RNF150: variants seen among roughly 807,000 people sequenced by gnomAD.
RNF150 encodes the protein ring finger protein 150.
In RNF150, 24 loss-of-function variants were observed where a neutral mutation model predicts 39.3. The ratio of observed to expected loss-of-function variants is 0.61; its 90% CI spans 0.44 to 0.86. RNF150 has a LOEUF of 0.86. Among genes scored for constraint, RNF150 ranks in the 40% least tolerant of loss-of-function variants. The pLI is 0.00. For missense variants in RNF150, 502 were observed against 587.8 expected (o/e 0.85, Z 1.51); for synonymous variants, 255 against 227.3 (o/e 1.12, Z -1.10).
chr4:141,127,566 C>G (rs1726786346), intron 1 of RNF150, among the ~76,000 whole-genome samples: 1 of 152,292 alleles, frequency 6.6e-6, no homozygotes, highest in East Asian at 1.9e-4. Context: ...TGAGCACCCA[C>G]CTATGGAGGA....
chr4:140,999,942 A>AAAGAAG lies in RNF150; in HGVS notation c.485-32075_485-32070dup, dbSNP rs879391696. Among the ~76,000 whole-genome samples the AAAGAAG allele has an allele frequency of 4.6e-4, 16 of 34,568 alleles. 1 individual carries two copies. The highest frequency in any genetic ancestry group is 1.8e-3 in the South Asian group (1 of 556). The allele number at this position is 34,568 out of a possible 152,430, so 22.7% of individuals were successfully genotyped here. A position where few individuals can be genotyped will look rare whatever the true frequency, so the allele number is the denominator to read the frequency against. ...AACAGAGTGAGACTTGGTCTCAAAAAAAGAAGAAGAAGAAGAAGAAGAAGA... is the reference window on the plus strand; with the variant it reads ...AACAGAGTGAGACTTGGTCTCAAAAAAAGAAGAAGAAGAAGAAGAAGAAGAAGAAGA... On this transcript the variant is annotated intron_variant, in intron 1 of 6. Transcript: ENST00000515673.
chr4:141,154,381 TTCC>T (rs1727348604), intron 1 of RNF150, among the ~76,000 whole-genome samples: 1 of 152,236 alleles, frequency 6.6e-6, no homozygotes, highest in Admixed American at 6.5e-5. Context: ...CATTCTGTCC[TTCC>T]TTAGCGTGCC....
At position 140,865,797 on chromosome 4, in the gene RNF150, A is replaced by C. The variant is rs1728684311; in HGVS notation, c.*2464T>G. On this transcript the variant is annotated 3_prime_UTR_variant, in exon 7 of 7. Transcript: ENST00000515673. ...TCACCTAGTTCTTGGCAGGAAGAGA[A>C]AATACTCGTTAATCAGAGGACTAAA... The C allele has an allele frequency of 6.6e-6, 1 of 152,606 alleles. No homozygotes were observed. Among genetic ancestry groups the C allele is most frequent in the African/African-American group, 2.4e-5 (1 of 41,446 alleles). The allele number at this position is 152,606 out of a possible 1,614,324, so 9.5% of individuals were successfully genotyped here.
rs144770118 is a variant in RNF150 at position 140,947,716 on chromosome 4, G to A, written c.828C>T (p.Asp276=). 217 of 1,597,482 alleles carry A rather than the reference G, an allele frequency of 1.4e-4. No individual in the cohort carries two copies. Among genetic ancestry groups the A allele is most frequent in the Non-Finnish European group, 1.8e-4 (211 of 1,173,734 alleles). ...KGDKETESDF[D]NCAVCIEGYK... is the part of the protein sequence containing the mutation. ...ACCCTTCAATACAAACTGCACAGTT[G>A]TCAAAATCAGACTCTGTTTCCTGCA... The change falls in exon 4 of 7, where the codon GAC becomes GAT. Residue 276 remains aspartate, a synonymous_variant. Coordinates refer to ENST00000515673, the MANE Select transcript of RNF150 (RefSeq NM_020724.2).
rs761038881 is a variant in RNF150 at position 140,911,163 on chromosome 4, G to A, written c.1179C>T (p.Asp393=). The part of the protein sequence containing the change: ...QDTDPIPQEG[D]VIFTTNSEQE... The stretch of plus-strand genomic sequence containing the variant: ...ACTCACTGTTAGTAGTAAAGATGAC[G>A]TCTCCCTCCTGGGGGATGGGGTCTG... The change falls in exon 6 of 7, where the codon GAC becomes GAT. Residue 393 remains aspartate (D), a synonymous_variant. Transcript: ENST00000515673. The A allele has an allele frequency of 3.0e-5, 48 of 1,613,660 alleles. No individual in the cohort carries two copies. In the East Asian group the frequency reaches 7.1e-4, roughly 24 times the overall value.
At chr4:141,069,528 G>T (rs370822638) in intron 1 of RNF150, among the ~76,000 whole-genome samples, 3 of 142,232 alleles carry the variant, frequency 2.1e-5, no homozygotes, top group Admixed American at 7.1e-5. Context: ...TCTCTTTTTT[G>T]GTTGTGTCTC....
chr4:141,000,069 AAGAAGAAGAAGAAGAAGG>A (rs1560679484), intron 1 of RNF150, among the ~76,000 whole-genome samples: 944 of 85,762 alleles, frequency 0.011, 73 homozygotes, highest in Middle Eastern at 0.019. Flanking sequence ...GAAGAAGAAG[AAGAAGAAGAAGAAGAAGG>A]AGAAGAAGAA....
chr4:141,167,261 G>A (rs948360279), intron 1 of RNF150, among the ~76,000 whole-genome samples: 5 of 151,772 alleles, frequency 3.3e-5, no homozygotes. Flanking sequence ...CCTCTTCAAG[G>A]AAAACTACAA....
In RNF150 at chr4:140,912,233, T is replaced by C. The variant is rs117262361; in HGVS notation, c.988-879A>G. Among the ~76,000 whole-genome samples, 232 of 152,362 alleles carry C rather than the reference T, an allele frequency of 1.5e-3. 3 individuals carry two copies. In the East Asian group the frequency reaches 0.039, roughly 26 times the overall value. ...CTGGTTTGAAGTAAAAATGAATATA[T>C]TTCTATCTCTTCCACAAACAGCTTT... On this transcript the variant is annotated intron_variant, in intron 5 of 6. Transcript: ENST00000515673.
At chr4:141,167,810 T>G (rs539587263) in intron 1 of RNF150, among the ~76,000 whole-genome samples, 1 of 152,294 alleles carries the variant, frequency 6.6e-6, no homozygotes, top group African/African-American at 2.4e-5. Flanking sequence ...GATTAAAAAC[T>G]TCAATGTAAG....
intron 5 of RNF150, among the ~76,000 whole-genome samples, chr4:140,917,229 T>G (rs1461748157): frequency 2.0e-5 from 3 of 152,186 alleles, no homozygotes; most frequent in Non-Finnish European, 4.4e-5. Flanking sequence ...AATGCTCCAG[T>G]TGAAAGGCAC....
intron 1 of RNF150, among the ~76,000 whole-genome samples, chr4:141,026,185 G>A (rs1735689999): frequency 6.6e-6 from 1 of 152,024 alleles, no homozygotes; most frequent in Admixed American, 6.6e-5. Flanking sequence ...TGTAAACAAG[G>A]GGACAAAGTA....
intron 1 of RNF150, among the ~76,000 whole-genome samples, chr4:141,118,585 G>A (rs1726508451): frequency 6.6e-6 from 1 of 152,198 alleles, no homozygotes; most frequent in African/African-American, 2.4e-5. Context: ...CTACCTGCAT[G>A]ACAAAACATT....
At chr4:140,989,681 C>T (rs529251117) in intron 1 of RNF150, among the ~76,000 whole-genome samples, 3 of 151,806 alleles carry the variant, frequency 2.0e-5, no homozygotes, top group East Asian at 1.9e-4. Context: ...GGCATTTATC[C>T]GGTAGTATTA....
chr4:141,051,217 T>C (rs1047489033), intron 1 of RNF150, among the ~76,000 whole-genome samples: 1 of 152,000 alleles, frequency 6.6e-6, no homozygotes, highest in Non-Finnish European at 1.5e-5. Flanking sequence ...GCATGGCCCA[T>C]GAAAACATTT....
rs1737550073 is a variant in RNF150, at chr4:141,068,444, C to A, written c.484+63881G>T. ...TCTCTGTTTTGGTACCAGTACCATG[C>A]TGTTTTGGTTACTGTAGCCTTGTAG... is the stretch of plus-strand genomic sequence containing the variant. On this transcript the variant is annotated intron_variant, in intron 1 of 6. Coordinates refer to ENST00000515673, the MANE Select transcript of RNF150 (RefSeq NM_020724.2). 2.6e-5 allele frequency among the ~76,000 whole-genome samples: 4 copies of A among 152,264 alleles called. No homozygotes were observed. The South Asian group carries it at 8.3e-4, about 32-fold the overall frequency.
intron 1 of RNF150, among the ~76,000 whole-genome samples, chr4:141,024,866 G>A (rs1735632331): frequency 1.3e-5 from 2 of 152,098 alleles, no homozygotes; most frequent in Admixed American, 6.6e-5. Context: ...ATTCTCAAGA[G>A]GTAACAGTTA....
intron 1 of RNF150, among the ~76,000 whole-genome samples, chr4:141,106,481 T>C (rs954714303): frequency 2.0e-5 from 3 of 152,148 alleles, no homozygotes; most frequent in African/African-American, 7.2e-5. Flanking sequence ...AATTTCTTCA[T>C]GTGTAAGATG....
At chr4:141,145,700 T>G (rs1727189294) in intron 1 of RNF150, among the ~76,000 whole-genome samples, 2 of 152,332 alleles carry the variant, frequency 1.3e-5, no homozygotes, top group South Asian at 4.1e-4. Flanking sequence ...AAAATCTCAT[T>G]TTTGGATGTA....
Sources: gnomAD v4.1 joint callset for allele counts (sites outside exome capture counted in the v4.1 genomes callset) on GRCh38, gnomAD v4.1.1 for gene constraint, MANE v1.5 for transcripts, NCBI Gene and HGNC (gene_info 2026-07-23, HGNC 2026-07-21) for gene names.